The following CRPPA variants were observed in gnomAD, a reference collection of about 807,000 sequenced individuals.
CRPPA encodes D-ribitol-5-phosphate cytidylyltransferase.
In CRPPA, 43 loss-of-function variants were observed where a neutral mutation model predicts 52.0. The ratio of observed to expected loss-of-function variants is 0.83; its 90% confidence interval spans 0.65 to 1.07. The LOEUF (loss-of-function observed/expected upper bound fraction) is 1.07, where lower values mean the gene tolerates loss of function less well. CRPPA is among the 50% of genes least tolerant of loss of function. CRPPA has a pLI of 0.00. For missense variants in CRPPA, 629 were observed against 551.7 expected (o/e 1.14, Z -1.40); for synonymous variants, 250 against 203.5 (o/e 1.23, Z -1.94).
In CRPPA at chr7:16,286,036, A is replaced by AT. The variant is rs1784424706; in HGVS notation, c.836-7811_836-7810insA. Among the ~76,000 whole-genome samples the AT allele has an allele frequency of 1.9e-3, 36 of 18,800 alleles. 1 individual carries two copies. Among genetic ancestry groups the AT allele is most frequent in the African/African-American group, 3.1e-3 (8 of 2,576 alleles). 12.3% of individuals were successfully genotyped at this position (18,800 alleles called of 152,430 possible). ...ACTCCATCTCAAAAAAAAAAAAAAAAAAATATAAATATATATATATATATA... is the reference window on the plus strand; with the variant it reads ...ACTCCATCTCAAAAAAAAAAAAAAAATAAATATAAATATATATATATATATA... On this transcript the variant is annotated intron_variant, in intron 5 of 9. Coordinates refer to ENST00000407010, the MANE Select transcript of CRPPA (RefSeq NM_001101426.4).
At chr7:16,124,737 T>G (rs1347811758) in intron 9 of CRPPA, among the ~76,000 whole-genome samples, 1 of 152,138 alleles carries the variant, frequency 6.6e-6, no homozygotes, top group Non-Finnish European at 1.5e-5. Context: ...CACAAAAAAA[T>G]GATACATGTT....
In CRPPA at chr7:16,342,792, T is replaced by TAC. The variant is rs764068705; in HGVS notation, c.684+33299_684+33300insGT. On this transcript the variant is annotated intron_variant, in intron 3 of 9. Coordinates refer to ENST00000407010, the MANE Select transcript of CRPPA (RefSeq NM_001101426.4). ...AAAAAAAAAAAAAAAAATATATATA[T>TAC]ATATATCTATATAGATATATAGATA... 1.6e-4 allele frequency among the ~76,000 whole-genome samples: 15 copies of TAC among 91,534 alleles called. 2 individuals carry two copies. The highest frequency in any genetic ancestry group is 1.2e-3 in the Admixed American group (10 of 8,228). 60.0% of individuals were successfully genotyped at this position (91,534 alleles called of 152,430 possible).
chr7:16,230,089 A>C (rs1782753777), intron 8 of CRPPA, among the ~76,000 whole-genome samples: 1 of 152,044 alleles, frequency 6.6e-6, no homozygotes, highest in Non-Finnish European at 1.5e-5. Context: ...GATTTTTGAT[A>C]GCATTATTAT....
intron 2 of CRPPA, among the ~76,000 whole-genome samples, chr7:16,403,931 G>C (rs1044340807): frequency 1.2e-4 from 18 of 152,104 alleles, no homozygotes; most frequent in African/African-American, 3.9e-4. Context: ...ACATGCAAAT[G>C]AATTTTGTCT....
chr7:16,338,213 C>T (rs1036883944), intron 3 of CRPPA, among the ~76,000 whole-genome samples: 1 of 151,978 alleles, frequency 6.6e-6, no homozygotes, highest in African/African-American at 2.4e-5. Context: ...TGAGATTTAT[C>T]CCTGGGATGC....
At chr7:16,268,394 A>G (rs978499446) in intron 6 of CRPPA, among the ~76,000 whole-genome samples, 1 of 151,276 alleles carries the variant, frequency 6.6e-6, no homozygotes, top group African/African-American at 2.5e-5. Context: ...CACCATCCCA[A>G]TATTTGTTCA....
intron 9 of CRPPA, among the ~76,000 whole-genome samples, chr7:16,167,139 G>A (rs1484417528): frequency 1.3e-5 from 2 of 151,974 alleles, no homozygotes; most frequent in African/African-American, 2.4e-5. Context: ...TGTTAGCCAG[G>A]ATGGTCTCGA....
chr7:16,281,376 G>A (rs573315789), intron 5 of CRPPA, among the ~76,000 whole-genome samples: 16 of 152,212 alleles, frequency 1.1e-4, no homozygotes, highest in African/African-American at 3.6e-4. Flanking sequence ...TACAGACCTT[G>A]TATAGTCAGT....
At chr7:16,193,706 A>G (rs1296090651) in intron 9 of CRPPA, among the ~76,000 whole-genome samples, 2 of 152,134 alleles carry the variant, frequency 1.3e-5, no homozygotes, top group African/African-American at 4.8e-5. Flanking sequence ...ATAGGTATGT[A>G]TACACACACT....
At chr7:16,301,795 T>C (rs1274754679) in intron 4 of CRPPA, among the ~76,000 whole-genome samples, 1 of 152,108 alleles carries the variant, frequency 6.6e-6, no homozygotes, top group African/African-American at 2.4e-5. Flanking sequence ...CGAGGTTTTA[T>C]ACTAGAGAAA....
In CRPPA at chr7:16,104,549, T is replaced by C. The variant is rs530422967; in HGVS notation, c.1252-12750A>G. Among the ~76,000 whole-genome samples the C allele has an allele frequency of 5.3e-5, 8 of 152,284 alleles. No homozygotes were observed. In the East Asian group the frequency reaches 1.2e-3, roughly 22 times the overall value. ...TTCAACTATAGAGGTGGGCACAAAG[T>C]AGGAATAATCTTGTGTCAGAAGAGT... On this transcript the variant is annotated intron_variant, in intron 9 of 9. Coordinates refer to ENST00000407010, the MANE Select transcript of CRPPA (RefSeq NM_001101426.4).
intron 5 of CRPPA, among the ~76,000 whole-genome samples, chr7:16,294,313 T>C (rs1053412802): frequency 2.0e-5 from 3 of 151,970 alleles, no homozygotes; most frequent in Admixed American, 6.6e-5. Context: ...ATTTAACTAG[T>C]TGCTTAATAC....
intron 2 of CRPPA, among the ~76,000 whole-genome samples, chr7:16,399,709 ATGAC>A (rs1302587145): frequency 6.6e-6 from 1 of 151,328 alleles, no homozygotes; most frequent in Non-Finnish European, 1.5e-5. Flanking sequence ...CGTGACCAAC[ATGAC>A]TGACATGACT....
intron 9 of CRPPA, among the ~76,000 whole-genome samples, chr7:16,120,817 T>C (rs959354641): frequency 7.9e-5 from 12 of 152,152 alleles, no homozygotes; most frequent in Admixed American, 6.6e-4. Flanking sequence ...TAATAGATGA[T>C]GAAGCAAAGC....
intron 6 of CRPPA, among the ~76,000 whole-genome samples, chr7:16,263,756 TAA>T (rs59366655): frequency 7.2e-6 from 1 of 138,636 alleles, no homozygotes; most frequent in Admixed American, 7.0e-5. Flanking sequence ...CATTTCAAAA[TAA>T]AAAAAAAAAA....
intron 9 of CRPPA, among the ~76,000 whole-genome samples, chr7:16,159,470 T>C (rs1415472676): frequency 6.6e-6 from 1 of 152,200 alleles, no homozygotes; most frequent in Non-Finnish European, 1.5e-5. Flanking sequence ...TGTGTTAGCT[T>C]GCTGAGAATG....
intron 3 of CRPPA, among the ~76,000 whole-genome samples, chr7:16,338,898 C>G (rs1472575908): frequency 6.7e-6 from 1 of 150,064 alleles, no homozygotes. Flanking sequence ...TCACTGCAAG[C>G]TCTGCCTCAC....
chr7:16,092,789 T>G (rs1293728402), intron 9 of CRPPA, among the ~76,000 whole-genome samples: 1 of 152,198 alleles, frequency 6.6e-6, no homozygotes, highest in Non-Finnish European at 1.5e-5. Flanking sequence ...TCCCATTACC[T>G]GGTAATAAAA....
intron 8 of CRPPA, among the ~76,000 whole-genome samples, chr7:16,250,666 G>A (rs1247183661): frequency 1.3e-5 from 2 of 152,136 alleles, no homozygotes; most frequent in Non-Finnish European, 2.9e-5. Context: ...TTACAGGCAA[G>A]CAAATGCTGA....
Sources: allele counts gnomAD v4.1 joint callset (sites outside exome capture counted in the v4.1 genomes callset), GRCh38; gene constraint gnomAD v4.1.1; transcripts MANE v1.5; gene names NCBI Gene and HGNC (gene_info 2026-07-23, HGNC 2026-07-21).